Variants in PTPRK observed in about 807,000 individuals in gnomAD.
PTPRK encodes receptor-type tyrosine-protein phosphatase kappa.
A neutral mutation model predicts 178.0 loss-of-function variants in PTPRK; 75 were observed. The ratio of observed to expected loss-of-function variants is 0.42; its 90% confidence interval spans 0.35 to 0.51. PTPRK has a LOEUF of 0.51. Among genes scored for constraint, PTPRK ranks in the 20% least tolerant of loss-of-function variants. The pLI, the probability that PTPRK is intolerant of heterozygous loss-of-function variation, is 0.02. For synonymous variants in PTPRK, 637 were observed against 620.6 expected (o/e 1.03, Z -0.39); for missense variants, 1,441 against 1,797.8 (o/e 0.80, Z 3.59).
chr6:128,415,504 G>A (rs200179039), intron 1 of PTPRK, among the ~76,000 whole-genome samples: 14 of 144,000 alleles, frequency 9.7e-5, no homozygotes, highest in South Asian at 2.2e-4. Context: ...TATGCAGTGA[G>A]AAAAAAAAAA....
chr6:128,234,112 C>T (rs956783245), intron 5 of PTPRK, among the ~76,000 whole-genome samples: 2 of 152,148 alleles, frequency 1.3e-5, no homozygotes, highest in Non-Finnish European at 2.9e-5. Context: ...CCTTTCATAT[C>T]CTCAAGTTAT....
chr6:128,488,712 G>A (rs1853332056), intron 1 of PTPRK, among the ~76,000 whole-genome samples: 1 of 152,168 alleles, frequency 6.6e-6, no homozygotes, highest in African/African-American at 2.4e-5. Flanking sequence ...AGGCAGTAAA[G>A]GCATATGGTT....
intron 13 of PTPRK, among the ~76,000 whole-genome samples, chr6:128,037,428 C>G (rs1562475642): frequency 6.6e-6 from 1 of 151,964 alleles, no homozygotes; most frequent in African/African-American, 2.4e-5. Context: ...GCAAGTCAGT[C>G]CTCTGAGAGA....
chr6:128,109,637 A>C (rs1790312741), intron 7 of PTPRK, among the ~76,000 whole-genome samples: 1 of 152,210 alleles, frequency 6.6e-6, no homozygotes, highest in Non-Finnish European at 1.5e-5. Context: ...GGATTTTCTT[A>C]TACTGGTGAT....
chr6:128,201,613 C>A lies in PTPRK; in HGVS notation c.869-16888G>T, dbSNP rs930547414. ...ACGGCTCATGCGTGTAATCTCAGCA[C>A]TTTGGGAGGCTGAGATGGGAGGACT... On this transcript the variant is annotated intron_variant, in intron 6 of 29. Coordinates refer to ENST00000368226, the MANE Select transcript of PTPRK (RefSeq NM_002844.4). Among the ~76,000 whole-genome samples the A allele has an allele frequency of 2.0e-5, 3 of 152,056 alleles. No homozygotes were observed. The South Asian group carries it at 6.2e-4, about 32-fold the overall frequency.
chr6:128,288,017 C>T (rs976122417), intron 3 of PTPRK, among the ~76,000 whole-genome samples: 1 of 152,144 alleles, frequency 6.6e-6, no homozygotes, highest in Non-Finnish European at 1.5e-5. Flanking sequence ...TGTCTTCCCA[C>T]TGAGATATGG....
chr6:127,998,834 C>T lies in PTPRK; in HGVS notation c.2565G>A (p.Thr855=), dbSNP rs779602021. The T allele has an allele frequency of 1.7e-5, 28 of 1,608,978 alleles. No homozygotes were observed. Among genetic ancestry groups the T allele is most frequent in the Non-Finnish European group, 2.2e-5 (26 of 1,176,786 alleles). Residue 855 remains threonine (T), a synonymous_variant, in exon 16 of 30, where the codon ACG becomes ACA. Coordinates refer to ENST00000368226, the MANE Select transcript of PTPRK (RefSeq NM_002844.4). ...GCTGTCCTGTCTGGTAAGGGGATTC[C>T]GTCCCCTCACAGAGGTAGCGAGGTA... ...LDVPRYLCEG[T]ESPYQTGQLH... is the part of the protein sequence containing the mutation.
chr6:127,998,638 TAAAG>T, intron 16 of PTPRK, 78 bp downstream of exon 16: 1 of 1,216,282 alleles, frequency 8.2e-7, no homozygotes, highest in East Asian at 2.5e-5. Context: ...CTTGTTGTGT[TAAAG>T]AGAGGGAAAA....
chr6:128,428,386 A>G (rs1267112510), intron 1 of PTPRK, among the ~76,000 whole-genome samples: 1 of 152,182 alleles, frequency 6.6e-6, no homozygotes, highest in Non-Finnish European at 1.5e-5. Flanking sequence ...ATCGTTATCT[A>G]TTCTTTCAAC....
chr6:128,294,038 T>C (rs1823846667), intron 3 of PTPRK, among the ~76,000 whole-genome samples: 1 of 151,440 alleles, frequency 6.6e-6, no homozygotes, highest in African/African-American at 2.4e-5. Context: ...TAATCTTTGC[T>C]TTTTTTATAC....
intron 11 of PTPRK, among the ~76,000 whole-genome samples, chr6:128,074,755 A>G (rs757516905): frequency 2.0e-5 from 3 of 152,062 alleles, no homozygotes; most frequent in Non-Finnish European, 4.4e-5. Context: ...GGAAGCAGTA[A>G]TGGGTAACAG....
chr6:128,285,753 T>G (rs1822394782), intron 3 of PTPRK, among the ~76,000 whole-genome samples: 1 of 152,072 alleles, frequency 6.6e-6, no homozygotes, highest in East Asian at 1.9e-4. Context: ...TGAGCCTAGA[T>G]TGTGACACTG....
intron 2 of PTPRK, among the ~76,000 whole-genome samples, chr6:128,330,273 C>G (rs1169080849): frequency 1.3e-5 from 2 of 152,144 alleles, no homozygotes; most frequent in East Asian, 3.8e-4. Flanking sequence ...ATTAATCTCT[C>G]TAAGTACTTC....
chr6:128,375,933 T>C (rs773325760), intron 2 of PTPRK, among the ~76,000 whole-genome samples: 6 of 152,210 alleles, frequency 3.9e-5, no homozygotes, highest in Non-Finnish European at 7.3e-5. Context: ...ATCCAGTTCA[T>C]GTTGATGCAA....
chr6:128,357,094 T>C (rs1193610424), intron 2 of PTPRK, among the ~76,000 whole-genome samples: 2 of 152,158 alleles, frequency 1.3e-5, no homozygotes, highest in Admixed American at 1.3e-4. Flanking sequence ...GGATGGAGGC[T>C]GGAAGTCCAT....
rs143049703 is a variant in PTPRK, at chr6:128,264,684, T to G, written c.496-22082A>C. On this transcript the variant is annotated intron_variant, in intron 3 of 29. Coordinates refer to ENST00000368226, the MANE Select transcript of PTPRK (RefSeq NM_002844.4). ...AGTATATTCATGAACATTACTTCAT[T>G]TGATCCCCATAAAACACTTGCTAGG... 2.3e-3 allele frequency among the ~76,000 whole-genome samples: 343 copies of G among 152,164 alleles called. 1 individual carries two copies. Among genetic ancestry groups the G allele is most frequent in the African/African-American group, 7.8e-3 (326 of 41,536 alleles).
intron 7 of PTPRK, among the ~76,000 whole-genome samples, chr6:128,180,188 AAC>A (rs1293715689): frequency 6.6e-6 from 1 of 152,082 alleles, no homozygotes; most frequent in African/African-American, 2.4e-5. Context: ...CAAAGCATGC[AAC>A]ACAGACAATT....
intron 16 of PTPRK, among the ~76,000 whole-genome samples, chr6:127,997,997 C>T (rs184663348): frequency 9.2e-5 from 14 of 152,092 alleles, no homozygotes; most frequent in Admixed American, 8.5e-4. Flanking sequence ...CCTTCCATGC[C>T]CCAGATTGGT....
intron 1 of PTPRK, among the ~76,000 whole-genome samples, chr6:128,405,064 T>C (rs1382446444): frequency 6.6e-6 from 1 of 152,202 alleles, no homozygotes; most frequent in Non-Finnish European, 1.5e-5. Context: ...TTGAACCATA[T>C]AATATATCAA....
Sources: gnomAD v4.1 joint callset for allele counts (sites outside exome capture counted in the v4.1 genomes callset) on GRCh38, gnomAD v4.1.1 for gene constraint, MANE v1.5 for transcripts, NCBI Gene and HGNC (gene_info 2026-07-23, HGNC 2026-07-21) for gene names.